PLCB1: variants seen among roughly 807,000 people sequenced by gnomAD.
PLCB1 encodes the protein phospholipase C beta 1, also known as 1-phosphatidylinositol 4,5-bisphosphate phosphodiesterase beta-1.
A neutral mutation model predicts 161.8 loss-of-function variants in PLCB1; 46 were observed. That is an observed-to-expected ratio of 0.28 (90% CI 0.22 to 0.36). The LOEUF (loss-of-function observed/expected upper bound fraction) is 0.36. PLCB1 is among the 10% of genes least tolerant of loss of function. The pLI, the probability that PLCB1 is intolerant of heterozygous loss-of-function variation, is 1.00. For missense variants in PLCB1, 1,016 were observed against 1,472.5 expected (o/e 0.69, Z 5.07); for synonymous variants, 517 against 503.7 (o/e 1.03, Z -0.35).
At chr20:8,422,952 G>A (rs974505747) in intron 3 of PLCB1, among the ~76,000 whole-genome samples, 20 of 152,136 alleles carry the variant, frequency 1.3e-4, no homozygotes, top group African/African-American at 4.3e-4. Flanking sequence ...TCACAGGAAC[G>A]TTTGGAAGAC....
chr20:8,728,692 T>C (rs1403354860), intron 17 of PLCB1, among the ~76,000 whole-genome samples: 2 of 152,058 alleles, frequency 1.3e-5, no homozygotes, highest in Non-Finnish European at 2.9e-5. Context: ...CAAAATCACA[T>C]TGACTTTGGC....
chr20:8,800,486 C>T (rs6516405), intron 31 of PLCB1, among the ~76,000 whole-genome samples: 40,281 of 152,014 alleles, frequency 0.26, 5,471 homozygotes, highest in Middle Eastern at 0.35. Flanking sequence ...TACAGACACA[C>T]GAACAACTTT....
intron 1 of PLCB1, among the ~76,000 whole-genome samples, chr20:8,140,564 C>T (rs576930438): frequency 6.6e-6 from 1 of 151,888 alleles, no homozygotes; most frequent in Admixed American, 6.5e-5. Context: ...CCTGTTCAGT[C>T]ATTAAGACCA....
At chr20:8,312,505 G>A (rs999349437) in intron 2 of PLCB1, among the ~76,000 whole-genome samples, 1 of 152,114 alleles carries the variant, frequency 6.6e-6, no homozygotes, top group East Asian at 1.9e-4. Context: ...GGATATTTGG[G>A]TACCTGTAAT....
At chr20:8,686,917 T>C (rs571085996) in intron 10 of PLCB1, among the ~76,000 whole-genome samples, 13 of 152,342 alleles carry the variant, frequency 8.5e-5, no homozygotes, top group African/African-American at 2.9e-4. Context: ...CCCTGAACAT[T>C]GCCTGGACTG....
At chr20:8,646,303 T>C (rs1177320975) in intron 5 of PLCB1, 122 bp downstream of exon 5, 1 of 689,168 alleles carries the variant, frequency 1.5e-6, no homozygotes, top group Non-Finnish European at 2.6e-6. Flanking sequence ...AAATTTTCCT[T>C]TGGGATTTAT....
chr20:8,824,723 G>A (rs1401535674), intron 31 of PLCB1, among the ~76,000 whole-genome samples: 1 of 152,088 alleles, frequency 6.6e-6, no homozygotes, highest in Non-Finnish European at 1.5e-5. Flanking sequence ...TTTATTAAAA[G>A]GTAGTTTTGG....
chr20:8,277,038 G>A (rs998192721), intron 2 of PLCB1, among the ~76,000 whole-genome samples: 1 of 146,118 alleles, frequency 6.8e-6, no homozygotes, highest in African/African-American at 2.6e-5. Context: ...GTCTCACTCT[G>A]TTGCCAGGCT....
At chr20:8,770,185 C>G (rs902024077) in intron 26 of PLCB1, among the ~76,000 whole-genome samples, 5 of 152,158 alleles carry the variant, frequency 3.3e-5, no homozygotes, top group African/African-American at 1.2e-4. Flanking sequence ...ATCTCCTGAC[C>G]TCGTGATCCG....
intron 1 of PLCB1, among the ~76,000 whole-genome samples, chr20:8,136,625 CAA>C (rs11404661): frequency 3.0e-5 from 4 of 134,108 alleles, no homozygotes; most frequent in Non-Finnish European, 3.3e-5. Flanking sequence ...GACTCTGTCT[CAA>C]AAAAAAAAAA....
chr20:8,274,604 G>C (rs933965800), intron 2 of PLCB1, among the ~76,000 whole-genome samples: 1 of 151,844 alleles, frequency 6.6e-6, no homozygotes, highest in African/African-American at 2.4e-5. Flanking sequence ...ATTTGCCAGG[G>C]CTTTGCATTC....
chr20:8,765,584 C>T (rs2123586907), intron 26 of PLCB1, among the ~76,000 whole-genome samples: 1 of 152,276 alleles, frequency 6.6e-6, no homozygotes, highest in South Asian at 2.1e-4. Context: ...TCCTGTGAGT[C>T]TAGCCTGCGA....
intron 3 of PLCB1, among the ~76,000 whole-genome samples, chr20:8,503,409 C>A (rs1983508355): frequency 6.6e-6 from 1 of 152,138 alleles, no homozygotes; most frequent in Non-Finnish European, 1.5e-5. Flanking sequence ...TCAATACCGT[C>A]TTCTCTTTGA....
chr20:8,243,891 A>C (rs1176923810), intron 2 of PLCB1, among the ~76,000 whole-genome samples: 3 of 151,970 alleles, frequency 2.0e-5, no homozygotes, highest in Admixed American at 6.6e-5. Context: ...GTTTCCTCAT[A>C]ATTTTTATGC....
intron 3 of PLCB1, among the ~76,000 whole-genome samples, chr20:8,526,952 G>A (rs920684797): frequency 5.9e-5 from 9 of 152,030 alleles, no homozygotes; most frequent in Admixed American, 1.3e-4. Flanking sequence ...AGCAAAACAG[G>A]GCCAGTTCAA....
chr20:8,654,756 G>A (rs1039506942), intron 7 of PLCB1, among the ~76,000 whole-genome samples: 10 of 152,026 alleles, frequency 6.6e-5, no homozygotes, highest in South Asian at 2.1e-4. Context: ...AAATGAATCC[G>A]TGCCATTCAC....
chr20:8,711,565 T>G (rs1297257671), intron 12 of PLCB1, among the ~76,000 whole-genome samples: 1 of 152,190 alleles, frequency 6.6e-6, no homozygotes, highest in Non-Finnish European at 1.5e-5. Flanking sequence ...ACTGAGATAA[T>G]GTAATGGCAG....
chr20:8,873,256 G>A (rs1294282514), intron 31 of PLCB1, among the ~76,000 whole-genome samples: 2 of 152,114 alleles, frequency 1.3e-5, no homozygotes, highest in Non-Finnish European at 2.9e-5. Context: ...AAATTCATGA[G>A]ATTATTCTAA....
chr20:8,305,438 A>G (rs761567138), intron 2 of PLCB1, among the ~76,000 whole-genome samples: 4 of 152,218 alleles, frequency 2.6e-5, no homozygotes, highest in African/African-American at 4.8e-5. Flanking sequence ...CAAAGTGGTT[A>G]AAGATAATGG....
Sources: gnomAD v4.1 joint callset for allele counts (sites outside exome capture counted in the v4.1 genomes callset) on GRCh38, gnomAD v4.1.1 for gene constraint, MANE v1.5 for transcripts, NCBI Gene and HGNC (gene_info 2026-07-23, HGNC 2026-07-21) for gene names.